The following KANK1 variants were observed in gnomAD, a reference collection of about 807,000 sequenced individuals.
KANK1 encodes the protein KN motif and ankyrin repeat domains 1, also known as KN motif and ankyrin repeat domain-containing protein 1.
KANK1 carries 109 observed loss-of-function variants against 106.2 expected under a neutral mutation model. The ratio of observed to expected loss-of-function variants is 1.03; its 90% CI spans 0.88 to 1.20. The LOEUF (loss-of-function observed/expected upper bound fraction) is 1.20, where lower values mean the gene tolerates loss of function less well. Ranked by LOEUF, KANK1 falls within the 50% of genes most tolerant of loss-of-function variation. The pLI is 0.00. For missense variants in KANK1, 2,399 were observed against 1,710.7 expected (o/e 1.40, Z -7.10); for synonymous variants, 873 against 652.2 (o/e 1.34, Z -5.16).
chr9:545,027 C>T (rs1046471141), intron 1 of KANK1, among the ~76,000 whole-genome samples: 3 of 151,822 alleles, frequency 2.0e-5, no homozygotes, highest in African/African-American at 4.9e-5. Flanking sequence ...CCTGAGCTGA[C>T]CTTGGGGCTA....
exon 1 of KANK1, chr9:470,298 G>GGGC (rs1284331020): frequency 6.7e-6 from 1 of 149,614 alleles, no homozygotes; most frequent in African/African-American, 2.5e-5. Context: ...TGCGCCCGAG[G>GGGC]GTGTTTCGGG....
chr9:742,280 G>T lies in KANK1; in HGVS notation c.3772G>T (p.Ala1258Ser), dbSNP rs113362230. 2.9e-4 allele frequency: 470 copies of T among 1,614,198 alleles called. 1 individual carries two copies. The highest frequency in any genetic ancestry group is 7.1e-4 in the African/African-American group (53 of 75,052). Residue 1258 changes from alanine (A) to serine (S), a missense_variant, in exon 10 of 12, where the codon GCT becomes TCT. Transcript: ENST00000382297. ...DMVKGLLACGADVNIQDDEGS... is the reference protein window; with the variant it reads ...DMVKGLLACGSDVNIQDDEGS... ...GGTGAAGGGCCTTCTGGCCTGTGGG[G>T]CTGATGTCAACATCCAGGATGACGA... is the stretch of plus-strand genomic sequence containing the variant.
chr9:488,367 G>T (rs1253766436), intron 3 of KANK1, among the ~76,000 whole-genome samples: 3 of 152,166 alleles, frequency 2.0e-5, no homozygotes, highest in East Asian at 3.8e-4. Flanking sequence ...ACAAGTAACA[G>T]CAAGTTTCTT....
At chr9:587,820 C>A (rs1490770183) in intron 1 of KANK1, among the ~76,000 whole-genome samples, 1 of 152,194 alleles carries the variant, frequency 6.6e-6, no homozygotes, top group Non-Finnish European at 1.5e-5. Flanking sequence ...AATGCCAGCA[C>A]TTTAGGAGGC....
chr9:600,332 C>G (rs1241106001), intron 1 of KANK1, among the ~76,000 whole-genome samples: 1 of 151,650 alleles, frequency 6.6e-6, no homozygotes, highest in Non-Finnish European at 1.5e-5. Flanking sequence ...GTAATGTCCT[C>G]AAGGGTCATC....
Position 707,232 on chromosome 9 carries a change from C to A in KANK1, c.38-3572C>A, listed in dbSNP as rs7871817. On this transcript the variant is annotated intron_variant, in intron 2 of 11. Transcript: ENST00000382297. ...GGGCAGCGCGGGCTGGCGGGGAGCGCGGCGGGCGCCACGTGGTAGGTGAGC... is the reference window on the plus strand; with the variant it reads ...GGGCAGCGCGGGCTGGCGGGGAGCGAGGCGGGCGCCACGTGGTAGGTGAGC... The A allele has an allele frequency of 4.1e-5, 40 of 986,158 alleles. No homozygotes were observed. In the Admixed American group the frequency reaches 2.3e-3, roughly 57 times the overall value. 61.1% of individuals were successfully genotyped at this position (986,158 alleles called of 1,614,324 possible).
intron 3 of KANK1, among the ~76,000 whole-genome samples, chr9:481,758 C>T (rs760609165): frequency 2.0e-5 from 3 of 151,878 alleles, no homozygotes; most frequent in South Asian, 2.1e-4. Context: ...TCGGGAGCAT[C>T]GTTTGAGCCC....
intron 3 of KANK1, among the ~76,000 whole-genome samples, chr9:722,258 T>C (rs145702903): frequency 5.3e-4 from 80 of 152,358 alleles, no homozygotes; most frequent in African/African-American, 7.9e-4. Context: ...AATTCTATTT[T>C]ATTTATTTTA....
chr9:662,310 A>G (rs9775054), intron 1 of KANK1, among the ~76,000 whole-genome samples: 135,932 of 152,194 alleles, frequency 0.89, 60,847 homozygotes, highest in East Asian at 0.97. Flanking sequence ...TTTCTTCACA[A>G]AATTGGGAAA....
intron 1 of KANK1, among the ~76,000 whole-genome samples, chr9:579,277 G>C (rs1432684182): frequency 6.6e-6 from 1 of 152,150 alleles, no homozygotes; most frequent in Non-Finnish European, 1.5e-5. Flanking sequence ...CTTGGTAATG[G>C]GGAAAGGATG....
At chr9:533,233 G>A (rs1340355599) in intron 1 of KANK1, among the ~76,000 whole-genome samples, 4 of 152,200 alleles carry the variant, frequency 2.6e-5, no homozygotes, top group African/African-American at 9.6e-5. Flanking sequence ...AGGGGTCATA[G>A]CTGTTTTTAG....
chr9:710,384 A>ATT, intron 2 of KANK1, among the ~76,000 whole-genome samples: 1 of 152,032 alleles, frequency 6.6e-6, no homozygotes, highest in Admixed American at 6.6e-5. Context: ...TTGGGAGGCC[A>ATT]GGTTGGGTGG....
upstream of KANK1, among the ~76,000 whole-genome samples, chr9:503,470 G>A (rs1030326148): frequency 2.6e-5 from 4 of 152,164 alleles, no homozygotes; most frequent in African/African-American, 9.7e-5. Flanking sequence ...GAATTTGCAG[G>A]TGTGCTTCGC....
chr9:729,146 G>T (rs554704885), intron 3 of KANK1, among the ~76,000 whole-genome samples: 1 of 152,038 alleles, frequency 6.6e-6, no homozygotes, highest in African/African-American at 2.4e-5. Context: ...AAATTGCTTC[G>T]GTCAGTATAC....
chr9:586,703 C>G (rs866112887), intron 1 of KANK1, among the ~76,000 whole-genome samples: 18 of 152,228 alleles, frequency 1.2e-4, no homozygotes, highest in South Asian at 1.0e-3. Flanking sequence ...ACCAAACACA[C>G]GGAGGAGGAG....
intron 1 of KANK1, among the ~76,000 whole-genome samples, chr9:535,028 G>A (rs191832884): frequency 1.3e-4 from 20 of 152,266 alleles, no homozygotes; most frequent in Admixed American, 2.6e-4. Context: ...GCTGGGCCTC[G>A]CAGCCGTGGG....
chr9:517,100 T>C (rs2059316015), intron 1 of KANK1, among the ~76,000 whole-genome samples: 2 of 151,588 alleles, frequency 1.3e-5, no homozygotes, highest in African/African-American at 4.9e-5. Flanking sequence ...TTCAGCAAGC[T>C]GTTTGTGTTT....
chr9:592,546 C>G (rs1034998872), intron 1 of KANK1, among the ~76,000 whole-genome samples: 12 of 151,766 alleles, frequency 7.9e-5, no homozygotes, highest in African/African-American at 2.9e-4. Flanking sequence ...CATCGCTCAG[C>G]CAGAATCTGC....
intron 2 of KANK1, chr9:686,946 C>G (rs1588910111): frequency 1.0e-6 from 1 of 979,688 alleles, no homozygotes; most frequent in African/African-American, 1.9e-5. Context: ...GGGCTGGGGG[C>G]TTTTCCTCTG....
Sources: allele counts gnomAD v4.1 joint callset (sites outside exome capture counted in the v4.1 genomes callset), GRCh38; gene constraint gnomAD v4.1.1; transcripts MANE v1.5; gene names NCBI Gene and HGNC (gene_info 2026-07-23, HGNC 2026-07-21).